TMEM123: variants seen among roughly 807,000 people sequenced by gnomAD.
TMEM123 encodes the protein porimin.
In TMEM123, 16 loss-of-function variants were observed where a neutral mutation model predicts 19.7. That is an observed-to-expected ratio of 0.81 (90% CI 0.55 to 1.23). The LOEUF (loss-of-function observed/expected upper bound fraction) is 1.23, where lower values mean the gene tolerates loss of function less well. Among genes scored for constraint, TMEM123 ranks in the 50% most tolerant of loss-of-function variants. The probability of loss-of-function intolerance (pLI) is 0.00; values close to 1 mark genes in which losing one functional copy is unlikely to be tolerated. For synonymous variants in TMEM123, 118 were observed against 99.4 expected, an observed-to-expected ratio of 1.19 and a Z score of -1.12; for missense variants, 313 against 257.8, an observed-to-expected ratio of 1.21 and a Z score of -1.47.
intron 2 of TMEM123, among the ~76,000 whole-genome samples, chr11:102,410,835 A>G (rs2135847245): frequency 6.6e-6 from 1 of 152,278 alleles, no homozygotes. Context: ...ACACAGTTAC[A>G]ATATGTATGC....
chr11:102,397,182 A>G lies in TMEM123; in HGVS notation c.*1685T>C, dbSNP rs1951864799. On this transcript the variant is annotated 3_prime_UTR_variant, in exon 5 of 5. Transcript: ENST00000398136. ...ACATCCAATCATATCCATATTTTGGATCATTTTTTTCTATATTCATCAGAT... is the reference window on the plus strand; with the variant it reads ...ACATCCAATCATATCCATATTTTGGGTCATTTTTTTCTATATTCATCAGAT... The G allele has an allele frequency of 6.6e-6, 1 of 152,120 alleles. No homozygotes were observed. The highest frequency in any genetic ancestry group is 2.1e-4 in the South Asian group (1 of 4,826). 9.4% of individuals were successfully genotyped at this position (152,120 alleles called of 1,614,324 possible).
intron 3 of TMEM123, 34 bp from the exon 4 acceptor site, chr11:102,401,726 GTTA>G (rs756051947): frequency 3.2e-5 from 49 of 1,543,348 alleles, no homozygotes; most frequent in South Asian, 5.0e-5. Flanking sequence ...GGGCTTTAGC[GTTA>G]TTTTTTTTTT....
intron 2 of TMEM123, among the ~76,000 whole-genome samples, chr11:102,412,759 CT>C (rs1952015471): frequency 6.6e-6 from 1 of 151,862 alleles, no homozygotes; most frequent in Non-Finnish European, 1.5e-5. Context: ...TACGATAGAC[CT>C]GATGGAGAAA....
intron 1 of TMEM123, chr11:102,452,316 C>T (rs1235945515): frequency 7.4e-6 from 3 of 407,332 alleles, no homozygotes; most frequent in Non-Finnish European, 8.6e-6. Context: ...AAGCACCAGG[C>T]AATTTCCTCA....
At chr11:102,434,373 G>A (rs1236828982) in intron 2 of TMEM123, among the ~76,000 whole-genome samples, 1 of 151,746 alleles carries the variant, frequency 6.6e-6, no homozygotes, top group Non-Finnish European at 1.5e-5. Context: ...TGTAACTATT[G>A]GCTATCTGTA....
chr11:102,437,143 T>C lies in TMEM123; in HGVS notation c.157+11669A>G, dbSNP rs550920111. On this transcript the variant is annotated intron_variant, in intron 2 of 4. Transcript: ENST00000398136. ...GATTTTTGTGTGCTTTTTCAGTTTGTGTACTTTCCCTCACTGTTTATCTCT... is the reference window on the plus strand; with the variant it reads ...GATTTTTGTGTGCTTTTTCAGTTTGCGTACTTTCCCTCACTGTTTATCTCT... Among the ~76,000 whole-genome samples, 6 of 151,590 alleles carry C rather than the reference T, an allele frequency of 4.0e-5. No individual in the cohort carries two copies. The East Asian group carries it at 1.2e-3, about 31-fold the overall frequency.
At chr11:102,420,160 C>G (rs915477510) in intron 2 of TMEM123, among the ~76,000 whole-genome samples, 1 of 152,214 alleles carries the variant, frequency 6.6e-6, no homozygotes, top group Non-Finnish European at 1.5e-5. Flanking sequence ...CCAGCCTGCT[C>G]TCTGCCCTGA....
chr11:102,431,339 T>A (rs1319725775), intron 2 of TMEM123, among the ~76,000 whole-genome samples: 2 of 152,228 alleles, frequency 1.3e-5, no homozygotes, highest in Non-Finnish European at 2.9e-5. Flanking sequence ...TATGAATACA[T>A]GTAGAATAAT....
At chr11:102,417,834 G>A (rs1952053891) in intron 2 of TMEM123, among the ~76,000 whole-genome samples, 1 of 151,670 alleles carries the variant, frequency 6.6e-6, no homozygotes, top group Non-Finnish European at 1.5e-5. Flanking sequence ...CAGAAATAAA[G>A]CCTCACAACT....
intron 1 of TMEM123, among the ~76,000 whole-genome samples, chr11:102,450,070 C>T (rs764189982): frequency 6.6e-6 from 1 of 152,170 alleles, no homozygotes; most frequent in Non-Finnish European, 1.5e-5. Context: ...CTCTCTTCCT[C>T]ATCCCACCCT....
intron 2 of TMEM123, among the ~76,000 whole-genome samples, chr11:102,431,420 T>G (rs1348410965): frequency 6.6e-6 from 1 of 152,238 alleles, no homozygotes; most frequent in East Asian, 1.9e-4. Context: ...GAAATTTTAC[T>G]CAGCGATTTT....
chr11:102,447,440 G>C (rs1282241147), intron 2 of TMEM123, among the ~76,000 whole-genome samples: 1 of 152,194 alleles, frequency 6.6e-6, no homozygotes, highest in African/African-American at 2.4e-5. Context: ...GTGTAAACCA[G>C]AAATGACACC....
intron 2 of TMEM123, 100 bp downstream of exon 2, chr11:102,448,712 A>C: frequency 1.7e-6 from 2 of 1,157,112 alleles, no homozygotes; most frequent in South Asian, 2.5e-5. Flanking sequence ...TCAGGGTTAA[A>C]ACAGGTCAGT....
intron 2 of TMEM123, among the ~76,000 whole-genome samples, chr11:102,412,498 A>G (rs1952013553): frequency 6.6e-6 from 1 of 152,224 alleles, no homozygotes; most frequent in African/African-American, 2.4e-5. Flanking sequence ...TTAACTGTTT[A>G]TAAGTAATAC....
At chr11:102,425,828 T>G (rs1030805112) in intron 2 of TMEM123, among the ~76,000 whole-genome samples, 1 of 152,042 alleles carries the variant, frequency 6.6e-6, no homozygotes, top group African/African-American at 2.4e-5. Flanking sequence ...GCAATCTGCC[T>G]CCCAAAGAGC....
intron 2 of TMEM123, among the ~76,000 whole-genome samples, chr11:102,408,830 AAGTG>A (rs1443456177): frequency 6.6e-6 from 1 of 152,142 alleles, no homozygotes; most frequent in Non-Finnish European, 1.5e-5. Context: ...AAAAAGAAGA[AAGTG>A]AGGCCCAGAC....
chr11:102,420,785 C>A (rs1222731705), intron 2 of TMEM123, among the ~76,000 whole-genome samples: 1 of 152,158 alleles, frequency 6.6e-6, no homozygotes, highest in African/African-American at 2.4e-5. Context: ...TAGGGGGCCA[C>A]CGGGCCTGGT....
At chr11:102,408,969 G>A (rs1035960575) in intron 2 of TMEM123, among the ~76,000 whole-genome samples, 2 of 152,110 alleles carry the variant, frequency 1.3e-5, no homozygotes, top group Non-Finnish European at 2.9e-5. Flanking sequence ...GACTATCTCT[G>A]CTGTGTTGAA....
rs778785282 is a variant in TMEM123 at position 102,402,212 on chromosome 11, A to G, written c.158-6T>C. 31 of 1,611,474 alleles carry G rather than the reference A, an allele frequency of 1.9e-5. No homozygotes were observed. Among genetic ancestry groups the G allele is most frequent in the Non-Finnish European group, 2.6e-5 (31 of 1,178,254 alleles). On this transcript the variant is annotated splice_region_variant and splice_polypyrimidine_tract_variant and intron_variant, in intron 2 of 4. Coordinates refer to ENST00000398136, the MANE Select transcript of TMEM123 (RefSeq NM_052932.3). Reference sequence around the variant, plus strand: ...AGGCACATGTTGGAGAGTCTCTGCAATAATATCAAGAAACATTAAAACCAG... The same window carrying G: ...AGGCACATGTTGGAGAGTCTCTGCAGTAATATCAAGAAACATTAAAACCAG...
Sources: gnomAD v4.1 joint callset for allele counts (sites outside exome capture counted in the v4.1 genomes callset) on GRCh38, gnomAD v4.1.1 for gene constraint, MANE v1.5 for transcripts, NCBI Gene and HGNC (gene_info 2026-07-23, HGNC 2026-07-21) for gene names.